Variants in SLU7 observed in about 807,000 individuals in gnomAD.
SLU7 encodes spliceosome associated SLU7.
SLU7 carries 60 observed loss-of-function variants against 87.0 expected under a neutral mutation model. The observed-to-expected ratio is 0.69, with a 90% confidence interval of 0.56 to 0.86. SLU7 has a LOEUF of 0.86. SLU7 is among the 40% of genes least tolerant of loss of function. The pLI is 0.00. For missense variants in SLU7, 507 were observed against 686.6 expected, an observed-to-expected ratio of 0.74 and a Z score of 2.92; for synonymous variants, 197 against 222.0, an observed-to-expected ratio of 0.89 and a Z score of 1.00.
intron 6 of SLU7, among the ~76,000 whole-genome samples, chr5:160,411,240 C>CTGA (rs1161805671): frequency 6.6e-6 from 1 of 151,756 alleles, no homozygotes; most frequent in East Asian, 2.0e-4. Flanking sequence ...GACTGATTGA[C>CTGA]TGATTGATTG....
chr5:160,405,155 A>G lies in SLU7; in HGVS notation c.1288-20T>C. On this transcript the variant is annotated intron_variant, in intron 12 of 15. Coordinates refer to ENST00000297151, the MANE Select transcript of SLU7 (RefSeq NM_006425.5). Reference sequence around the variant, plus strand: ...GATATGCTGCAGAGAGAGAAATTAAAAAGCTTAAAAAGGAAGCTGAAATTA... The same window carrying G: ...GATATGCTGCAGAGAGAGAAATTAAGAAGCTTAAAAAGGAAGCTGAAATTA... 6.5e-7 allele frequency: 1 copy of G among 1,538,378 alleles called. No individual in the cohort carries two copies. Among genetic ancestry groups the G allele is most frequent in the Non-Finnish European group, 9.0e-7 (1 of 1,114,048 alleles).
chr5:160,406,743 G>T, intron 11 of SLU7, 114 bp from the exon 12 acceptor site: 1 of 881,408 alleles, frequency 1.1e-6, no homozygotes, highest in Non-Finnish European at 1.7e-6. Context: ...ACTGGGTTTT[G>T]TTATAGAAAG....
chr5:160,404,437 T>C lies in SLU7; in HGVS notation c.1581+3A>G. ...CTTTTACTATTTAGACTTCACAAAT[T>C]ACCTTTTTCAATTTTTCATGCTTCT... is the stretch of plus-strand genomic sequence containing the variant. On this transcript the variant is annotated splice_donor_region_variant and intron_variant, in intron 15 of 15. Transcript: ENST00000297151. 6.5e-7 allele frequency: 1 copy of C among 1,530,318 alleles called. No individual in the cohort carries two copies. Among genetic ancestry groups the C allele is most frequent in the Non-Finnish European group, 9.0e-7 (1 of 1,112,366 alleles). The allele number at this position is 1,530,318 out of a possible 1,614,324, so 94.8% of individuals were successfully genotyped here. A position where few individuals can be genotyped will look rare whatever the true frequency, so the allele number is the denominator to read the frequency against.
At chr5:160,403,680 A>G (rs1476817932) in intron 15 of SLU7, among the ~76,000 whole-genome samples, 2 of 152,240 alleles carry the variant, frequency 1.3e-5, no homozygotes, top group Non-Finnish European at 2.9e-5. Flanking sequence ...AACATTCTAT[A>G]ACATTTTAAA....
chr5:160,416,714 G>C (rs971878847), intron 1 of SLU7, among the ~76,000 whole-genome samples: 4 of 152,210 alleles, frequency 2.6e-5, no homozygotes, highest in African/African-American at 9.6e-5. Flanking sequence ...CCACCCTAGT[G>C]TAAGTTATTA....
At chr5:160,415,535 A>G (rs753205279) in intron 1 of SLU7, among the ~76,000 whole-genome samples, 14 of 152,180 alleles carry the variant, frequency 9.2e-5, no homozygotes, top group Non-Finnish European at 1.8e-4. Flanking sequence ...ACGTGTATTT[A>G]AAATTTCACA....
chr5:160,415,887 GTTTTTC>G (rs1401758017), intron 1 of SLU7, among the ~76,000 whole-genome samples: 1 of 151,546 alleles, frequency 6.6e-6, no homozygotes, highest in African/African-American at 2.4e-5. Context: ...CATTCTCTTG[GTTTTTC>G]TTTTTCTTTT....
Position 160,404,499 on chromosome 5 carries a change from G to GCTT in SLU7, c.1519_1521dup (p.Lys507dup). On this transcript the variant is annotated inframe_insertion, in exon 15 of 16. Coordinates refer to ENST00000297151, the MANE Select transcript of SLU7 (RefSeq NM_006425.5). ...TCACTATCTGAACTGCTCTTTCGAT[G>GCTT]CTTCTTCTTTTTCTTTTTCTTCTTC... is the stretch of plus-strand genomic sequence containing the variant. 1 of 1,611,784 alleles carries GCTT rather than the reference G, an allele frequency of 6.2e-7. No homozygotes were observed. Among genetic ancestry groups the GCTT allele is most frequent in the African/African-American group, 1.3e-5 (1 of 74,860 alleles).
In SLU7 at chr5:160,404,467, T is replaced by C. The variant is rs759883260; in HGVS notation, c.1554A>G (p.Glu518=). The change falls in exon 15 of 16, where the codon GAA becomes GAG. Residue 518 remains glutamate (E), a synonymous_variant. Transcript: ENST00000297151. ...HRKSSSDSDD[E]EKKHEKLKKA... ...TTTTCAATTTTTCATGCTTCTTTTC[T>C]TCATCATCACTATCTGAACTGCTCT... The C allele has an allele frequency of 1.3e-6, 2 of 1,599,928 alleles. No individual in the cohort carries two copies. The highest frequency in any genetic ancestry group is 1.7e-5 in the Admixed American group (1 of 58,186).
At chr5:160,410,925 G>A (rs897380958) in intron 6 of SLU7, among the ~76,000 whole-genome samples, 5 of 150,696 alleles carry the variant, frequency 3.3e-5, no homozygotes, top group Non-Finnish European at 4.4e-5. Flanking sequence ...GGAGTGCAGC[G>A]GCATGATCTT....
chr5:160,418,171 AC>A, intron 1 of SLU7, among the ~76,000 whole-genome samples: 2 of 152,356 alleles, frequency 1.3e-5, no homozygotes, highest in East Asian at 3.9e-4. Context: ...GAAGAGAAGC[AC>A]AACAACGGTA....
At position 160,405,039 on chromosome 5, in the gene SLU7, C is replaced by G. The variant is rs1010876633; in HGVS notation, c.1384G>C (p.Glu462Gln). ...CAAAGACAATTACTTACAACAATCT[C>G]CTTCCCAGCTTCTCCAGTACAATAG... Reference protein sequence around the residue: ...YSYCTGEAGKEIVNSEECIIN... With the variant: ...YSYCTGEAGKQIVNSEECIIN... Residue 462 changes from glutamate to glutamine, a missense_variant, in exon 13 of 16, where the codon GAG becomes CAG. This residue lies in a region of SLU7 where 201 missense variants were observed against 213.4 expected (regional missense o/e 0.94). Coordinates refer to ENST00000297151, the MANE Select transcript of SLU7 (RefSeq NM_006425.5). 1.2e-6 allele frequency: 2 copies of G among 1,610,684 alleles called. No individual in the cohort carries two copies. The highest frequency in any genetic ancestry group is 2.7e-5 in the African/African-American group (2 of 74,850).
At position 160,407,079 on chromosome 5, in the gene SLU7, T is replaced by C. The variant is rs2910185; in HGVS notation, c.1125+397A>G. Among the ~76,000 whole-genome samples the C allele has an allele frequency of 0.86, 130,296 of 152,226 alleles. 56,237 individuals are homozygous for C. Among genetic ancestry groups the C allele is most frequent in the African/African-American group, 0.93 (38,728 of 41,554 alleles). On this transcript the variant is annotated intron_variant, in intron 11 of 15. Transcript: ENST00000297151. This position sits in a 1 kb window ranked among gnomAD's most constrained non-coding sequence, Gnocchi z 4.2. ...CTGAGAATGCCATTTTAAAAAGCTG[T>C]GCTACCCTACTAGAGGATGAAAGAC...
At chr5:160,408,297 TCAAA>T in intron 8 of SLU7, 28 bp downstream of exon 8, 1 of 1,589,016 alleles carries the variant, frequency 6.3e-7, no homozygotes, top group Admixed American at 1.8e-5. Context: ...CAAGTATTTT[TCAAA>T]TATGTATGTT....
At position 160,405,864 on chromosome 5, in the gene SLU7, A is replaced by G. The variant is rs571932041; in HGVS notation, c.1287+604T>C. 2.0e-5 allele frequency among the ~76,000 whole-genome samples: 3 copies of G among 152,338 alleles called. No individual in the cohort carries two copies. In the South Asian group the frequency reaches 6.2e-4, roughly 32 times the overall value. On this transcript the variant is annotated intron_variant, in intron 12 of 15. Coordinates refer to ENST00000297151, the MANE Select transcript of SLU7 (RefSeq NM_006425.5). ...AATGGTCACCGTCATGAAAATGAAGAGATACACTCTAGAAAAGAGACATAA... is the reference window on the plus strand; with the variant it reads ...AATGGTCACCGTCATGAAAATGAAGGGATACACTCTAGAAAAGAGACATAA...
intron 4 of SLU7, 48 bp from the exon 5 acceptor site, chr5:160,413,668 A>G: frequency 6.5e-7 from 1 of 1,533,638 alleles, no homozygotes; most frequent in Non-Finnish European, 8.9e-7. Context: ...TTATGGCCCA[A>G]AGGAAAACTT....
chr5:160,413,879 A>C lies in SLU7; in HGVS notation c.405+20T>G. The stretch of plus-strand genomic sequence containing the variant: ...AAAGACTCTGACAACGGTTTTCAAA[A>C]TTTTCAAAGGTGAACTTACCTCAAA... On this transcript the variant is annotated intron_variant, in intron 4 of 15. Coordinates refer to ENST00000297151, the MANE Select transcript of SLU7 (RefSeq NM_006425.5). 15 of 1,544,384 alleles carry C rather than the reference A, an allele frequency of 9.7e-6. No homozygotes were observed. Among genetic ancestry groups the C allele is most frequent in the Non-Finnish European group, 1.2e-5 (14 of 1,143,378 alleles).
chr5:160,412,265 T>C (rs1479214550), intron 6 of SLU7, among the ~76,000 whole-genome samples, 186 bp downstream of exon 6: 1 of 152,188 alleles, frequency 6.6e-6, no homozygotes, highest in Non-Finnish European at 1.5e-5. Context: ...AGTGGCAATA[T>C]TGTTCCCAAA....
chr5:160,413,611 G>T lies in SLU7; in HGVS notation c.415C>A (p.Arg139=), dbSNP rs201566243. 1 of 1,609,178 alleles carries T rather than the reference G, an allele frequency of 6.2e-7. No individual in the cohort carries two copies. The highest frequency in any genetic ancestry group is 1.1e-5 in the South Asian group (1 of 89,744). The part of the protein sequence containing the change: ...KKKDCFERPR[R]VGAKFTGTNI... The stretch of plus-strand genomic sequence containing the variant: ...GTACCTGTAAATTTGGCTCCAACTC[G>T]CCTAGGTCTCTAAAAACAGAGTAAG... The change falls in exon 5 of 16, where the codon CGA becomes AGA. Residue 139 remains arginine (R), a synonymous_variant. Transcript: ENST00000297151.
Sources: allele counts gnomAD v4.1 joint callset (sites outside exome capture counted in the v4.1 genomes callset), GRCh38; gene constraint gnomAD v4.1.1; regional missense constraint gnomAD v4.1.1; non-coding constraint Gnocchi (gnomAD v3.1); transcripts MANE v1.5; gene names NCBI Gene and HGNC (gene_info 2026-07-23, HGNC 2026-07-21).